Variants in MAP4K4 observed in about 807,000 individuals in gnomAD.
MAP4K4 encodes HPK/GCK-like kinase HGK.
MAP4K4 carries 38 observed loss-of-function variants against 189.6 expected under a neutral mutation model. That is an observed-to-expected ratio of 0.20 (90% CI 0.15 to 0.26). MAP4K4 has a LOEUF of 0.26. Ranked by LOEUF, MAP4K4 falls within the 10% of genes least tolerant of loss-of-function variation. MAP4K4 has a pLI of 1.00. For missense variants in MAP4K4, 1,054 were observed against 1,726.9 expected, an observed-to-expected ratio of 0.61 and a Z score of 6.91; for synonymous variants, 610 against 624.3, an observed-to-expected ratio of 0.98 and a Z score of 0.34.
intron 2 of MAP4K4, among the ~76,000 whole-genome samples, chr2:101,751,155 T>G (rs1199390795): frequency 1.3e-5 from 2 of 152,208 alleles, no homozygotes; most frequent in Non-Finnish European, 2.9e-5. Context: ...TGCATTGGCA[T>G]TTTTGTAAAG....
At chr2:101,745,331 C>CCT (rs1427497695) in intron 2 of MAP4K4, among the ~76,000 whole-genome samples, 1 of 117,162 alleles carries the variant, frequency 8.5e-6, no homozygotes, top group African/African-American at 3.9e-5. Flanking sequence ...AAATATCACC[C>CCT]CCCCCCCCCC....
chr2:101,776,351 G>A (rs2084087953), intron 2 of MAP4K4, among the ~76,000 whole-genome samples: 1 of 152,146 alleles, frequency 6.6e-6, no homozygotes. Flanking sequence ...TCACGTGTGA[G>A]CATTCTGAGC....
chr2:101,760,530 A>ATATG (rs1439425886), intron 2 of MAP4K4, among the ~76,000 whole-genome samples: 117 of 138,690 alleles, frequency 8.4e-4, no homozygotes, highest in Non-Finnish European at 1.2e-3. Context: ...ATATGTATAT[A>ATATG]TGTGTGTGTG....
At chr2:101,704,521 A>G (rs1224213241) in intron 2 of MAP4K4, among the ~76,000 whole-genome samples, 1 of 57,400 alleles carries the variant, frequency 1.7e-5, no homozygotes, top group Admixed American at 2.5e-4. Context: ...CCAATATTTT[A>G]TGTGTGTGTG....
At chr2:101,884,216 G>A (rs2098449434) in intron 28 of MAP4K4, among the ~76,000 whole-genome samples, 1 of 152,110 alleles carries the variant, frequency 6.6e-6, no homozygotes, top group African/African-American at 2.4e-5. Flanking sequence ...CTATTTAAAT[G>A]TATATTAAAT....
chr2:101,809,051 T>G (rs1022288096), intron 3 of MAP4K4, among the ~76,000 whole-genome samples: 2 of 152,204 alleles, frequency 1.3e-5, no homozygotes, highest in African/African-American at 2.4e-5. Context: ...AAAATGAGTT[T>G]GTATTTATTT....
chr2:101,784,430 G>C (rs1036778217), intron 2 of MAP4K4, among the ~76,000 whole-genome samples: 2 of 152,220 alleles, frequency 1.3e-5, no homozygotes, highest in Middle Eastern at 3.4e-3. Flanking sequence ...ACTGAGATGT[G>C]CATTAATAGG....
intron 1 of MAP4K4, 84 bp from the exon 2 acceptor site, chr2:101,698,389 C>T: frequency 1.6e-6 from 2 of 1,277,812 alleles, no homozygotes; most frequent in Non-Finnish European, 2.3e-6. Context: ...TTTGTCACCG[C>T]CTTTTCTCTC....
At chr2:101,707,857 AT>A (rs55877251) in intron 2 of MAP4K4, among the ~76,000 whole-genome samples, 130,112 of 136,370 alleles carry the variant, frequency 0.95, 62,011 homozygotes, top group African/African-American at 0.97. Context: ...CGCCTGGCTA[AT>A]TTTTTTTTTT....
intron 2 of MAP4K4, among the ~76,000 whole-genome samples, chr2:101,744,065 G>T (rs1315107503): frequency 6.6e-6 from 1 of 152,184 alleles, no homozygotes; most frequent in African/African-American, 2.4e-5. Flanking sequence ...GAATCTGGCT[G>T]TTAAAGACTG....
intron 2 of MAP4K4, among the ~76,000 whole-genome samples, chr2:101,702,984 G>C (rs2039876967): frequency 6.6e-6 from 1 of 152,122 alleles, no homozygotes; most frequent in Admixed American, 6.6e-5. Context: ...TTTGGGAATG[G>C]TAGAAAGGTT....
At chr2:101,702,320 A>T (rs2039310036) in intron 2 of MAP4K4, among the ~76,000 whole-genome samples, 1 of 152,122 alleles carries the variant, frequency 6.6e-6, no homozygotes, top group Admixed American at 6.6e-5. Flanking sequence ...AAATCCCAGC[A>T]CTTTGAGAGG....
intron 20 of MAP4K4, chr2:101,867,701 G>A (rs891543636): frequency 1.0e-4 from 39 of 385,612 alleles, no homozygotes; most frequent in Admixed American, 4.2e-4. Flanking sequence ...CTTATTCTTC[G>A]TGAGTTCAGC....
At chr2:101,775,832 G>A (rs959576904) in intron 2 of MAP4K4, among the ~76,000 whole-genome samples, 7 of 152,210 alleles carry the variant, frequency 4.6e-5, no homozygotes, top group African/African-American at 1.7e-4. Flanking sequence ...GGTCAGGCCA[G>A]TGAAGGGGGA....
At chr2:101,862,387 G>C (rs1254174252) in intron 16 of MAP4K4, 1 of 151,916 alleles carries the variant, frequency 6.6e-6, no homozygotes, top group African/African-American at 2.4e-5. Context: ...GGAGAGGATA[G>C]AAAGGAAAGA....
intron 24 of MAP4K4, 77 bp downstream of exon 24, chr2:101,871,762 C>A: frequency 1.5e-6 from 2 of 1,322,008 alleles, no homozygotes; most frequent in Non-Finnish European, 2.1e-6. Context: ...CAAAGGAGAC[C>A]TTTCCAACAC....
At chr2:101,891,033 C>A (rs1466451381) in intron 32 of MAP4K4, 133 bp from the exon 33 acceptor site, 1 of 697,066 alleles carries the variant, frequency 1.4e-6, no homozygotes, top group African/African-American at 1.8e-5. Context: ...CTCAGAGTTT[C>A]TTTTGAAAAG....
At chr2:101,879,026 A>G (rs898758383) in intron 27 of MAP4K4, among the ~76,000 whole-genome samples, 4 of 151,882 alleles carry the variant, frequency 2.6e-5, no homozygotes, top group Non-Finnish European at 5.9e-5. Context: ...AAGACAGTTC[A>G]TGGGGATCAA....
At chr2:101,871,717 T>C in intron 24 of MAP4K4, 32 bp downstream of exon 24, 2 of 1,529,744 alleles carry the variant, frequency 1.3e-6, no homozygotes, top group East Asian at 2.5e-5. Context: ...GCTGCTTTCC[T>C]GGGGTTAGAC....
Sources: allele counts gnomAD v4.1 joint callset (sites outside exome capture counted in the v4.1 genomes callset), GRCh38; gene constraint gnomAD v4.1.1; transcripts MANE v1.5; gene names NCBI Gene and HGNC (gene_info 2026-07-23, HGNC 2026-07-21).